The following ARHGAP15 variants were observed in gnomAD, a reference collection of about 807,000 sequenced individuals.
ARHGAP15 encodes the protein Rho GTPase activating protein 15.
In ARHGAP15, 51 loss-of-function variants were observed where a neutral mutation model predicts 63.7. The observed-to-expected ratio is 0.80, with a 90% confidence interval of 0.64 to 1.01. ARHGAP15 has a LOEUF of 1.01. Among genes scored for constraint, ARHGAP15 ranks in the 50% least tolerant of loss-of-function variants. ARHGAP15 has a pLI of 0.00. For synonymous variants in ARHGAP15, 191 were observed against 193.8 expected, an observed-to-expected ratio of 0.99 and a Z score of 0.12; for missense variants, 560 against 564.6, an observed-to-expected ratio of 0.99 and a Z score of 0.08.
At chr2:143,211,466 T>C (rs1055631596) in intron 3 of ARHGAP15, among the ~76,000 whole-genome samples, 2 of 152,048 alleles carry the variant, frequency 1.3e-5, no homozygotes, top group African/African-American at 4.8e-5. Flanking sequence ...ACAGACAAGA[T>C]TAACAGCAAA....
intron 12 of ARHGAP15, among the ~76,000 whole-genome samples, chr2:143,632,102 A>T (rs1002313209): frequency 1.3e-5 from 2 of 152,134 alleles, no homozygotes; most frequent in African/African-American, 4.8e-5. Context: ...TAACAATCAA[A>T]TCAGGGTATG....
intron 5 of ARHGAP15, among the ~76,000 whole-genome samples, chr2:143,235,399 G>A (rs1182874927): frequency 6.6e-6 from 1 of 152,108 alleles, no homozygotes; most frequent in Admixed American, 6.6e-5. Flanking sequence ...GCATAAAACT[G>A]AGAATGGACA....
At chr2:143,487,315 A>G in intron 8 of ARHGAP15, 58 bp from the exon 9 acceptor site, 1 of 1,557,352 alleles carries the variant, frequency 6.4e-7, no homozygotes, top group South Asian at 1.2e-5. Context: ...GATTTGCATA[A>G]AGTAATAATC....
intron 6 of ARHGAP15, among the ~76,000 whole-genome samples, chr2:143,301,718 CATATGTGTAT>C (rs1364047756): frequency 1.1e-4 from 16 of 151,674 alleles, no homozygotes; most frequent in Middle Eastern, 3.4e-3. Flanking sequence ...CACATCTTTC[CATATGTGTAT>C]ATATGTGTAT....
chr2:143,148,883 G>A (rs1287867935), intron 1 of ARHGAP15, among the ~76,000 whole-genome samples: 1 of 152,006 alleles, frequency 6.6e-6, no homozygotes. Flanking sequence ...TGAAATGGAA[G>A]GAAACTGAAA....
At chr2:143,205,255 T>TTA (rs1436560415) in intron 3 of ARHGAP15, among the ~76,000 whole-genome samples, 81 of 85,448 alleles carry the variant, frequency 9.5e-4, no homozygotes, top group African/African-American at 3.3e-3. Context: ...CAGAGAGAGA[T>TTA]AAAAAAAAAA....
Position 143,536,682 on chromosome 2 carries a change from G to A in ARHGAP15, c.925+17318G>A, listed in dbSNP as rs534200984. Among the ~76,000 whole-genome samples the A allele has an allele frequency of 8.4e-4, 127 of 151,840 alleles. 1 individual carries two copies. The highest frequency in any genetic ancestry group is 2.0e-3 in the Admixed American group (30 of 15,262). On this transcript the variant is annotated intron_variant, in intron 10 of 13. Transcript: ENST00000295095. ...AATGATGGTTTCCACCTTCATCCAT[G>A]TCCCTACAAAGAACATGAACTCATC...
At chr2:143,217,202 A>G (rs1692790630) in intron 4 of ARHGAP15, among the ~76,000 whole-genome samples, 1 of 152,202 alleles carries the variant, frequency 6.6e-6, no homozygotes, top group Non-Finnish European at 1.5e-5. Context: ...TGTACTAATT[A>G]GCTACACAAT....
intron 11 of ARHGAP15, among the ~76,000 whole-genome samples, chr2:143,583,019 G>A (rs1350359296): frequency 6.6e-6 from 1 of 151,766 alleles, no homozygotes; most frequent in East Asian, 1.9e-4. Context: ...GAAAGGGAGA[G>A]ATGAGTGTAC....
Position 143,189,506 on chromosome 2 carries a change from T to C in ARHGAP15, c.166-12628T>C, listed in dbSNP as rs941946379. On this transcript the variant is annotated intron_variant, in intron 2 of 13. Transcript: ENST00000295095. Reference sequence around the variant, plus strand: ...TCTCTGATCTTTTCTTTCTTTCTTTTTTTTTTTTTTGGGAGACAGTCTCAT... The same window carrying C: ...TCTCTGATCTTTTCTTTCTTTCTTTCTTTTTTTTTTGGGAGACAGTCTCAT... 1.2e-4 allele frequency among the ~76,000 whole-genome samples: 17 copies of C among 146,048 alleles called. No homozygotes were observed. The East Asian group carries it at 1.2e-3, about 10-fold the overall frequency.
intron 6 of ARHGAP15, among the ~76,000 whole-genome samples, chr2:143,334,915 G>A (rs951376193): frequency 3.9e-5 from 6 of 152,138 alleles, no homozygotes; most frequent in South Asian, 4.1e-4. Flanking sequence ...TTCAGATCTC[G>A]ACTTTGCTAT....
intron 12 of ARHGAP15, among the ~76,000 whole-genome samples, chr2:143,692,579 T>C (rs1393163422): frequency 6.6e-6 from 1 of 152,138 alleles, no homozygotes; most frequent in East Asian, 1.9e-4. Flanking sequence ...AGGAGTTGTT[T>C]GTTGCTTGTT....
chr2:143,337,848 G>A (rs1312437746), intron 6 of ARHGAP15, among the ~76,000 whole-genome samples: 6 of 152,146 alleles, frequency 3.9e-5, no homozygotes, highest in African/African-American at 1.4e-4. Context: ...GGAGAACACA[G>A]CATTAAATTA....
At chr2:143,405,349 T>G (rs1192875123) in intron 6 of ARHGAP15, among the ~76,000 whole-genome samples, 1 of 151,860 alleles carries the variant, frequency 6.6e-6, no homozygotes, top group Non-Finnish European at 1.5e-5. Context: ...CATTTTGTGT[T>G]TTTTATTTTT....
At chr2:143,560,605 C>T (rs1695978753) in intron 11 of ARHGAP15, among the ~76,000 whole-genome samples, 1 of 152,190 alleles carries the variant, frequency 6.6e-6, no homozygotes, top group Non-Finnish European at 1.5e-5. Context: ...TTTCATGCTA[C>T]ACACGCTCAT....
chr2:143,269,967 G>C (rs1681189713), intron 6 of ARHGAP15, among the ~76,000 whole-genome samples: 1 of 152,038 alleles, frequency 6.6e-6, no homozygotes, highest in Admixed American at 6.6e-5. Flanking sequence ...ATATTAATCT[G>C]TGTTACTTTT....
intron 12 of ARHGAP15, among the ~76,000 whole-genome samples, chr2:143,649,592 T>C (rs1681061695): frequency 6.6e-6 from 1 of 151,996 alleles, no homozygotes; most frequent in African/African-American, 2.4e-5. Flanking sequence ...TCATCTGTTA[T>C]TGCTTGTCCA....
At chr2:143,568,151 A>G (rs1021266851) in intron 11 of ARHGAP15, among the ~76,000 whole-genome samples, 1 of 152,184 alleles carries the variant, frequency 6.6e-6, no homozygotes, top group Non-Finnish European at 1.5e-5. Context: ...AATGGCAACA[A>G]AAGCCAAAAT....
intron 12 of ARHGAP15, among the ~76,000 whole-genome samples, chr2:143,666,808 C>T (rs1682218568): frequency 6.7e-6 from 1 of 149,178 alleles, no homozygotes; most frequent in Non-Finnish European, 1.5e-5. Flanking sequence ...AGCCAAAAAA[C>T]ACATGAAAAA....
Sources: allele counts gnomAD v4.1 joint callset (sites outside exome capture counted in the v4.1 genomes callset), GRCh38; gene constraint gnomAD v4.1.1; transcripts MANE v1.5; gene names NCBI Gene and HGNC (gene_info 2026-07-23, HGNC 2026-07-21).